The following MORC1 variants were observed in gnomAD, a reference collection of about 807,000 sequenced individuals.
MORC1 encodes MORC family CW-type zinc finger 1, also known as MORC family CW-type zinc finger protein 1.
In MORC1, 59 loss-of-function variants were observed where a neutral mutation model predicts 134.9. The observed-to-expected ratio is 0.44, with a 90% confidence interval of 0.35 to 0.54. MORC1 has a LOEUF of 0.54. Among genes scored for constraint, MORC1 ranks in the 20% least tolerant of loss-of-function variants. MORC1 has a pLI of 0.00. For synonymous variants in MORC1, 395 were observed against 391.7 expected (o/e 1.01, Z -0.10); for missense variants, 947 against 1,134.5 (o/e 0.83, Z 2.37).
At chr3:108,968,692 T>C (rs1271016732) in intron 26 of MORC1, among the ~76,000 whole-genome samples, 1 of 152,174 alleles carries the variant, frequency 6.6e-6, no homozygotes, top group East Asian at 1.9e-4. Flanking sequence ...AGATTTTCAT[T>C]ATATGAGAGC....
intron 21 of MORC1, among the ~76,000 whole-genome samples, chr3:108,988,415 A>G (rs1405360684): frequency 6.6e-6 from 1 of 152,156 alleles, no homozygotes; most frequent in Non-Finnish European, 1.5e-5. Context: ...TTAAAGATTC[A>G]TTTTGAAAAA....
At chr3:108,966,075 A>G (rs996618974) in intron 26 of MORC1, among the ~76,000 whole-genome samples, 1 of 152,218 alleles carries the variant, frequency 6.6e-6, no homozygotes, top group Non-Finnish European at 1.5e-5. Context: ...GTAAAAGGAC[A>G]TCTAGTTGTA....
chr3:109,040,479 A>G (rs9857340), intron 14 of MORC1, among the ~76,000 whole-genome samples: 1 of 149,324 alleles, frequency 6.7e-6, no homozygotes, highest in Admixed American at 6.6e-5. Context: ...AAAGAAAGAA[A>G]GAAAGAAAGG....
intron 23 of MORC1, among the ~76,000 whole-genome samples, chr3:108,983,080 A>ATGCATACACACACC (rs1947791106): frequency 6.6e-6 from 1 of 152,208 alleles, no homozygotes. Flanking sequence ...TAATATATAC[A>ATGCATACACACACC]TGCATACACA....
chr3:109,067,574 T>C (rs528778923), intron 9 of MORC1, among the ~76,000 whole-genome samples: 2 of 152,296 alleles, frequency 1.3e-5, no homozygotes, highest in Non-Finnish European at 2.9e-5. Context: ...CTTAAACTAT[T>C]TTTTACCCAA....
intron 8 of MORC1, among the ~76,000 whole-genome samples, chr3:109,084,420 T>C (rs1429384437): frequency 6.6e-6 from 1 of 151,880 alleles, no homozygotes; most frequent in Non-Finnish European, 1.5e-5. Context: ...ACAAAGAATA[T>C]AAAACACCTA....
At chr3:109,003,744 T>C (rs1301537153) in intron 20 of MORC1, among the ~76,000 whole-genome samples, 2 of 152,174 alleles carry the variant, frequency 1.3e-5, no homozygotes, top group South Asian at 2.1e-4. Context: ...ATTCTGTAGG[T>C]TGTAAACAGA....
intron 8 of MORC1, among the ~76,000 whole-genome samples, chr3:109,080,482 C>T (rs1420296545): frequency 6.6e-6 from 1 of 152,118 alleles, no homozygotes; most frequent in Non-Finnish European, 1.5e-5. Context: ...CATAATAATA[C>T]AGCTTATAGA....
At chr3:109,044,069 A>C (rs1002399727) in intron 14 of MORC1, among the ~76,000 whole-genome samples, 1 of 152,236 alleles carries the variant, frequency 6.6e-6, no homozygotes, top group African/African-American at 2.4e-5. Flanking sequence ...TTTTGTATGA[A>C]GAACCAATAA....
At position 109,094,889 on chromosome 3, in the gene MORC1, C is replaced by G; in HGVS notation, c.583+20G>C. ...AAAACAAATACTTCCATCAAATTGTCAGAGTTTTGATGATCTTACCACATT... is the reference window on the plus strand; with the variant it reads ...AAAACAAATACTTCCATCAAATTGTGAGAGTTTTGATGATCTTACCACATT... On this transcript the variant is annotated intron_variant, in intron 7 of 27. Transcript: ENST00000232603. 2 of 1,536,296 alleles carry G rather than the reference C, an allele frequency of 1.3e-6. No individual in the cohort carries two copies. The highest frequency in any genetic ancestry group is 1.7e-6 in the Non-Finnish European group (2 of 1,150,734).
chr3:109,023,264 C>G (rs9860684), intron 17 of MORC1, among the ~76,000 whole-genome samples: 64,256 of 151,990 alleles, frequency 0.42, 14,295 homozygotes, highest in Middle Eastern at 0.56. Context: ...AGCTCAGTAG[C>G]AGCACCATAC....
chr3:109,115,778 C>T (rs1334102689), intron 1 of MORC1, among the ~76,000 whole-genome samples: 1 of 152,182 alleles, frequency 6.6e-6, no homozygotes, highest in Non-Finnish European at 1.5e-5. Context: ...TGTCCTGGAG[C>T]TCAAGCTGGT....
intron 17 of MORC1, among the ~76,000 whole-genome samples, chr3:109,018,056 G>C (rs1254950323): frequency 1.3e-5 from 2 of 152,126 alleles, no homozygotes; most frequent in African/African-American, 2.4e-5. Flanking sequence ...ACCAGACCAA[G>C]AGATTCTTGT....
intron 23 of MORC1, 52 bp downstream of exon 23, chr3:108,984,664 T>C: frequency 7.8e-7 from 1 of 1,286,900 alleles, no homozygotes; most frequent in South Asian, 1.3e-5. Context: ...TAATTACTTT[T>C]CAGCAGGATA....
intron 27 of MORC1, 93 bp downstream of exon 27, chr3:108,963,321 G>T: frequency 9.5e-7 from 1 of 1,054,178 alleles, no homozygotes. Context: ...ACTTGTCCAG[G>T]TCAGTAAGTG....
Position 109,005,111 on chromosome 3 carries a change from C to A in MORC1, c.1972G>T (p.Val658Leu). Residue 658 changes from valine to leucine, a missense_variant, in exon 19 of 28, where the codon GTA (valine) becomes TTA (leucine). By Grantham distance (32) the Val-to-Leu change is conservative (BLOSUM62 1). This residue lies in a region of MORC1 where 722 missense variants were observed against 817.0 expected (regional missense o/e 0.88). Transcript: ENST00000232603. ...AGTTTGACATTTTCTGGCAGAGCTACTGGAATTCTCTGCTGTTGAGAGTTC... is the reference window on the plus strand; with the variant it reads ...AGTTTGACATTTTCTGGCAGAGCTAATGGAATTCTCTGCTGTTGAGAGTTC... The part of the protein sequence containing the change: ...KMNSQQQRIP[V>L]ALPENVKLAE... The A allele has an allele frequency of 3.1e-6, 5 of 1,612,884 alleles. No individual in the cohort carries two copies. Among genetic ancestry groups the A allele is most frequent in the Non-Finnish European group, 4.2e-6 (5 of 1,179,678 alleles).
chr3:109,057,255 G>T, intron 13 of MORC1, 88 bp downstream of exon 13: 1 of 1,360,986 alleles, frequency 7.3e-7, no homozygotes. Context: ...CTCCCATTGT[G>T]ATTAGTCACT....
chr3:109,093,519 G>C lies in MORC1; in HGVS notation c.606C>G (p.Asn202Lys), dbSNP rs758873972. ...GKCGTLLVIY[N>K]LKLLLNGEPE... ...GTTCTCCATTAAGCAGAAGCTTCAA[G>C]TTATAAATAACCAGCAAAGTACCTG... The change falls in exon 8 of 28, where the codon AAC becomes AAG. Residue 202 changes from asparagine to lysine, a missense_variant. By Grantham distance (94) the Asn-to-Lys change is moderately conservative. Around this residue, in one of 3 missense-constraint regions of MORC1, gnomAD observed 214 missense variants for 281.3 expected, o/e 0.76. Transcript: ENST00000232603. 4.3e-6 allele frequency: 7 copies of C among 1,613,410 alleles called. No homozygotes were observed. In the South Asian group the frequency reaches 6.6e-5, roughly 15 times the overall value.
intron 2 of MORC1, among the ~76,000 whole-genome samples, chr3:109,111,852 C>T (rs1031653006): frequency 3.3e-5 from 5 of 152,184 alleles, no homozygotes; most frequent in African/African-American, 1.2e-4. Flanking sequence ...AAGTTAGTCC[C>T]ATATAGCTCC....
Sources: gnomAD v4.1 joint callset for allele counts (sites outside exome capture counted in the v4.1 genomes callset) on GRCh38, gnomAD v4.1.1 for gene constraint, gnomAD v4.1.1 regional missense constraint, MANE v1.5 for transcripts, NCBI Gene and HGNC (gene_info 2026-07-23, HGNC 2026-07-21) for gene names.